ADAMTSL1: variants seen among roughly 807,000 people sequenced by gnomAD.
ADAMTSL1 encodes the protein ADAMTS-like protein 1.
Under a neutral mutation model 201.8 loss-of-function variants are expected in ADAMTSL1, and 126 were observed. The ratio of observed to expected loss-of-function variants is 0.62; its 90% CI spans 0.54 to 0.72. The LOEUF is 0.72. ADAMTSL1 is among the 30% of genes least tolerant of loss of function. ADAMTSL1 has a pLI of 0.00. For synonymous variants in ADAMTSL1, 1,121 were observed against 903.4 expected (o/e 1.24, Z -4.32); for missense variants, 2,679 against 2,277.8 (o/e 1.18, Z -3.59).
intron 1 of ADAMTSL1, among the ~76,000 whole-genome samples, chr9:18,112,970 C>A (rs1237939101): frequency 6.6e-6 from 1 of 152,124 alleles, no homozygotes; most frequent in Admixed American, 6.6e-5. Flanking sequence ...AATGATGGAG[C>A]TGCTACGAAA....
chr9:18,650,282 G>A lies in ADAMTSL1; in HGVS notation c.835-7357G>A, dbSNP rs371436096. On this transcript the variant is annotated intron_variant, in intron 7 of 28. Transcript: ENST00000380548. ...TGGGTGGGAGTGACCCGATTTTCCA[G>A]GTGCCGTCTGTCACCCCTTTCCTTG... Among the ~76,000 whole-genome samples, 7 of 152,312 alleles carry A rather than the reference G, an allele frequency of 4.6e-5. No individual in the cohort carries two copies. In the East Asian group the frequency reaches 1.4e-3, roughly 29 times the overall value.
intron 2 of ADAMTSL1, among the ~76,000 whole-genome samples, chr9:18,181,030 T>C (rs1009906500): frequency 4.6e-5 from 7 of 152,236 alleles, no homozygotes; most frequent in African/African-American, 1.7e-4. Flanking sequence ...AAACAAGCAA[T>C]GGGGAAAGGA....
At chr9:17,913,198 T>C (rs542868909) in intron 1 of ADAMTSL1, among the ~76,000 whole-genome samples, 75 of 152,290 alleles carry the variant, frequency 4.9e-4, no homozygotes, top group Non-Finnish European at 9.3e-4. Context: ...TGGTTCCATA[T>C]GAACTTTAAA....
At chr9:18,638,423 A>G (rs1178336883) in intron 6 of ADAMTSL1, among the ~76,000 whole-genome samples, 2 of 152,060 alleles carry the variant, frequency 1.3e-5, no homozygotes, top group Admixed American at 6.6e-5. Context: ...TAGTCCATCC[A>G]TCTTTCTTCG....
At chr9:18,809,926 G>A (rs960898228) in intron 20 of ADAMTSL1, among the ~76,000 whole-genome samples, 3 of 152,248 alleles carry the variant, frequency 2.0e-5, no homozygotes, top group Non-Finnish European at 2.9e-5. Flanking sequence ...CCATAAAACT[G>A]TAGTGAGGGA....
intron 2 of ADAMTSL1, among the ~76,000 whole-genome samples, chr9:18,232,936 G>A (rs1240140094): frequency 6.6e-6 from 1 of 152,142 alleles, no homozygotes; most frequent in Non-Finnish European, 1.5e-5. Context: ...GTAGCATGCA[G>A]GCTAGACTAG....
At chr9:18,278,446 T>G (rs1832667626) in intron 2 of ADAMTSL1, among the ~76,000 whole-genome samples, 1 of 152,190 alleles carries the variant, frequency 6.6e-6, no homozygotes, top group Admixed American at 6.5e-5. Context: ...GGCAGTTATT[T>G]TTTTTCTTTC....
chr9:18,073,751 A>G (rs1823069138), intron 1 of ADAMTSL1, among the ~76,000 whole-genome samples: 1 of 152,340 alleles, frequency 6.6e-6, no homozygotes, highest in African/African-American at 2.4e-5. Flanking sequence ...AGGGATTAAA[A>G]ATAACAGATT....
intron 2 of ADAMTSL1, among the ~76,000 whole-genome samples, chr9:18,523,470 C>T (rs572935211): frequency 1.3e-5 from 2 of 152,298 alleles, no homozygotes; most frequent in East Asian, 3.9e-4. Context: ...TCAGTTCTGG[C>T]TTTTGTTGCC....
chr9:18,621,069 G>A (rs1017073281), intron 4 of ADAMTSL1, among the ~76,000 whole-genome samples: 9 of 152,236 alleles, frequency 5.9e-5, no homozygotes, highest in South Asian at 2.1e-4. Flanking sequence ...CGAACTGTGA[G>A]GACTTTATGA....
chr9:18,413,488 A>G (rs1037736296), intron 2 of ADAMTSL1, among the ~76,000 whole-genome samples: 1 of 152,066 alleles, frequency 6.6e-6, no homozygotes, highest in African/African-American at 2.4e-5. Context: ...CTTTTTGAAA[A>G]CATGCTTATC....
intron 1 of ADAMTSL1, among the ~76,000 whole-genome samples, chr9:18,067,160 G>A (rs1206122541): frequency 6.6e-6 from 1 of 152,084 alleles, no homozygotes; most frequent in Non-Finnish European, 1.5e-5. Context: ...AAGTGGTTAA[G>A]GGTTAGCCTG....
intron 14 of ADAMTSL1, among the ~76,000 whole-genome samples, chr9:18,709,446 T>G (rs1832424367): frequency 6.6e-6 from 1 of 152,174 alleles, no homozygotes; most frequent in South Asian, 2.1e-4. Flanking sequence ...TCAGGCTAAT[T>G]TTATTGTTTT....
At chr9:18,241,750 C>T (rs1320363333) in intron 2 of ADAMTSL1, among the ~76,000 whole-genome samples, 2 of 151,690 alleles carry the variant, frequency 1.3e-5, no homozygotes, top group African/African-American at 4.8e-5. Context: ...CAGTTATATA[C>T]CAAAAAATGG....
chr9:18,366,045 G>A (rs753598831), intron 2 of ADAMTSL1, among the ~76,000 whole-genome samples: 1 of 152,122 alleles, frequency 6.6e-6, no homozygotes, highest in African/African-American at 2.4e-5. Context: ...TGACAAAAAG[G>A]TTGGGGACCA....
chr9:18,001,396 T>A (rs747830140), intron 1 of ADAMTSL1, among the ~76,000 whole-genome samples: 5 of 151,900 alleles, frequency 3.3e-5, no homozygotes, highest in Non-Finnish European at 5.9e-5. Context: ...TTGGAACTGG[T>A]CCAAGATGAG....
intron 7 of ADAMTSL1, among the ~76,000 whole-genome samples, chr9:18,645,806 T>A (rs1489160659): frequency 7.2e-6 from 1 of 138,848 alleles, no homozygotes; most frequent in African/African-American, 2.7e-5. Flanking sequence ...GTAGTATAGT[T>A]TGAAGTCAGG....
At chr9:18,123,086 T>C (rs993660213) in intron 1 of ADAMTSL1, among the ~76,000 whole-genome samples, 15 of 152,196 alleles carry the variant, frequency 9.9e-5, no homozygotes, top group African/African-American at 3.4e-4. Flanking sequence ...CTTTTTGTCA[T>C]GTGTGACAAC....
intron 2 of ADAMTSL1, among the ~76,000 whole-genome samples, chr9:18,351,900 T>G (rs1835979356): frequency 6.6e-6 from 1 of 152,164 alleles, no homozygotes; most frequent in South Asian, 2.1e-4. Flanking sequence ...TATACTTCAC[T>G]TGGTAGTTAG....
Sources: allele counts gnomAD v4.1 joint callset (sites outside exome capture counted in the v4.1 genomes callset), GRCh38; gene constraint gnomAD v4.1.1; transcripts MANE v1.5; gene names NCBI Gene and HGNC (gene_info 2026-07-23, HGNC 2026-07-21).